Variants in NBEA observed in about 807,000 individuals in gnomAD.
The protein encoded by NBEA is neurobeachin.
A neutral mutation model predicts 343.4 loss-of-function variants in NBEA; 44 were observed. The ratio of observed to expected loss-of-function variants is 0.13; its 90% CI spans 0.10 to 0.16. The LOEUF (loss-of-function observed/expected upper bound fraction) is 0.16. Ranked by LOEUF, NBEA falls within the 10% of genes least tolerant of loss-of-function variation. The pLI is 1.00. For synonymous variants in NBEA, 1,175 were observed against 1,238.7 expected, an observed-to-expected ratio of 0.95 and a Z score of 1.08; for missense variants, 2,555 against 3,631.3, an observed-to-expected ratio of 0.70 and a Z score of 7.62.
Position 35,412,443 on chromosome 13 carries a change from C to A in NBEA, c.6180-19826C>A, listed in dbSNP as rs578245177. ...TGCGGCAAGTGGGTTCCCCCATTTT[C>A]ATTACTTTGTCTCACCTCTTTCCTT... On this transcript the variant is annotated intron_variant, in intron 38 of 58. Coordinates refer to ENST00000379939, the MANE Select transcript of NBEA (RefSeq NM_001385012.1). Among the ~76,000 whole-genome samples, 5 of 152,236 alleles carry A rather than the reference C, an allele frequency of 3.3e-5. No individual in the cohort carries two copies. The South Asian group carries it at 1.0e-3, about 32-fold the overall frequency.
intron 1 of NBEA, among the ~76,000 whole-genome samples, chr13:34,955,408 A>G (rs767707559): frequency 6.6e-6 from 1 of 152,142 alleles, no homozygotes; most frequent in Non-Finnish European, 1.5e-5. Flanking sequence ...ATTATAATGG[A>G]TGAAAGTGAT....
At chr13:35,416,937 A>G (rs2152920902) in intron 38 of NBEA, among the ~76,000 whole-genome samples, 1 of 152,172 alleles carries the variant, frequency 6.6e-6, no homozygotes, top group East Asian at 1.9e-4. Context: ...CTATTCAGGG[A>G]TTGAACTTCT....
intron 39 of NBEA, among the ~76,000 whole-genome samples, chr13:35,450,889 G>A (rs569776894): frequency 6.6e-6 from 1 of 152,154 alleles, no homozygotes; most frequent in Non-Finnish European, 1.5e-5. Flanking sequence ...TGTAGGTGGT[G>A]TATGCATGTA....
chr13:34,954,590 C>A (rs2059437985), intron 1 of NBEA, among the ~76,000 whole-genome samples: 1 of 152,122 alleles, frequency 6.6e-6, no homozygotes, highest in Admixed American at 6.6e-5. Flanking sequence ...GGTGTACCTA[C>A]ATGTATGCAG....
At chr13:35,490,656 C>G (rs1397583470) in intron 41 of NBEA, among the ~76,000 whole-genome samples, 1 of 151,918 alleles carries the variant, frequency 6.6e-6, no homozygotes, top group Non-Finnish European at 1.5e-5. Flanking sequence ...CATCTTTAAA[C>G]AAGACAAAGA....
chr13:35,239,795 T>C (rs2029896019), intron 34 of NBEA, among the ~76,000 whole-genome samples: 1 of 151,930 alleles, frequency 6.6e-6, no homozygotes, highest in Non-Finnish European at 1.5e-5. Context: ...TATTTACTAT[T>C]AAAATATCAT....
chr13:35,247,582 G>A (rs1397685749), intron 34 of NBEA, among the ~76,000 whole-genome samples: 1 of 152,084 alleles, frequency 6.6e-6, no homozygotes, highest in African/African-American at 2.4e-5. Flanking sequence ...GCATTCAGGG[G>A]CAGATGATCC....
intron 38 of NBEA, among the ~76,000 whole-genome samples, chr13:35,372,229 TC>T (rs1315762332): frequency 6.6e-6 from 1 of 152,128 alleles, no homozygotes; most frequent in African/African-American, 2.4e-5. Flanking sequence ...ACCCTCCGGC[TC>T]CCAAGTTGTC....
rs766041172 is a variant in NBEA at position 35,157,126 on chromosome 13, C to G, written c.2700C>G (p.Gly900=). The change falls in exon 21 of 59, where the codon GGC becomes GGG. Residue 900 remains glycine (G), a synonymous_variant. Coordinates refer to ENST00000379939, the MANE Select transcript of NBEA (RefSeq NM_001385012.1). ...SVWQDWMFSL[G]YINPKNSEEQ... is the part of the protein sequence containing the mutation. ...GGCAGGATTGGATGTTTTCTCTTGG[C>G]TATATCAATCCTAAAAATTCTGAGG... 6.2e-7 allele frequency: 1 copy of G among 1,605,992 alleles called. No homozygotes were observed. Among genetic ancestry groups the G allele is most frequent in the Non-Finnish European group, 8.5e-7 (1 of 1,175,940 alleles).
Position 35,232,609 on chromosome 13 carries a change from A to G in NBEA, c.5766A>G (p.Leu1922=), listed in dbSNP as rs1332825151. 7 of 1,511,202 alleles carry G rather than the reference A, an allele frequency of 4.6e-6. No individual in the cohort carries two copies. The highest frequency in any genetic ancestry group is 6.3e-6 in the Non-Finnish European group (7 of 1,118,930). 93.6% of individuals were successfully genotyped at this position (1,511,202 alleles called of 1,614,324 possible). The stretch of plus-strand genomic sequence containing the variant: ...TTCTTGGCAGTCATGGACAAGAGCT[A>G]TTGATAGAAGGTATGATTTCTCTAT... ...RTLLGSHGQE[L]LIEGLVCMKS... is the part of the protein sequence containing the mutation. The change falls in exon 34 of 59, where the codon CTA becomes CTG. Residue 1922 remains leucine, a synonymous_variant. Coordinates refer to ENST00000379939, the MANE Select transcript of NBEA (RefSeq NM_001385012.1).
At chr13:35,491,309 T>G (rs984067874) in intron 41 of NBEA, among the ~76,000 whole-genome samples, 1 of 151,918 alleles carries the variant, frequency 6.6e-6, no homozygotes, top group Non-Finnish European at 1.5e-5. Flanking sequence ...CTCGCCAATA[T>G]AATATGTTCT....
intron 36 of NBEA, among the ~76,000 whole-genome samples, chr13:35,330,858 G>T (rs973234242): frequency 6.6e-6 from 1 of 151,984 alleles, no homozygotes; most frequent in Admixed American, 6.6e-5. Context: ...TACACAAATA[G>T]AAAGTCTCAA....
rs1296376997 is a variant in NBEA at position 35,475,428 on chromosome 13, T to G, written c.6585+2892T>G. The G allele has an allele frequency of 3.1e-6, 5 of 1,613,470 alleles. No homozygotes were observed. In the South Asian group the frequency reaches 4.4e-5, roughly 14 times the overall value. ...AGCCCCCCATCTGCAGTCTGTTCTCTGCCTCCGCGAACTGCAGCACCCAGG... is the reference window on the plus strand; with the variant it reads ...AGCCCCCCATCTGCAGTCTGTTCTCGGCCTCCGCGAACTGCAGCACCCAGG... On this transcript the variant is annotated intron_variant, in intron 41 of 58. Coordinates refer to ENST00000379939, the MANE Select transcript of NBEA (RefSeq NM_001385012.1).
At chr13:35,206,985 G>A (rs1055606562) in intron 31 of NBEA, among the ~76,000 whole-genome samples, 1 of 151,962 alleles carries the variant, frequency 6.6e-6, no homozygotes, top group Non-Finnish European at 1.5e-5. Context: ...GAGAATTAAA[G>A]GTTGAGTCTA....
chr13:35,248,916 G>A (rs916119932), intron 34 of NBEA, among the ~76,000 whole-genome samples: 20 of 152,070 alleles, frequency 1.3e-4, no homozygotes, highest in African/African-American at 3.4e-4. Flanking sequence ...TTGGGAGGCC[G>A]AGGCAGGCAG....
chr13:35,645,759 G>A, intron 49 of NBEA, 110 bp from the exon 50 acceptor site: 2 of 510,850 alleles, frequency 3.9e-6, no homozygotes, highest in Non-Finnish European at 6.9e-6. Context: ...TAAAATCTTG[G>A]TGTTCTTTCT....
intron 1 of NBEA, among the ~76,000 whole-genome samples, chr13:35,003,277 G>A (rs879276375): frequency 1.3e-5 from 2 of 152,046 alleles, no homozygotes; most frequent in Non-Finnish European, 2.9e-5. Flanking sequence ...GCTACTTCAG[G>A]GGGGCTGAGG....
At position 35,220,885 on chromosome 13, in the gene NBEA, A is replaced by G. The variant is rs182871274; in HGVS notation, c.5648+9706A>G. ...CTTTTTAAAAATACATTTCTTACCT[A>G]TCTATATCCTTTCCCCCTATGCCTA... On this transcript the variant is annotated intron_variant, in intron 33 of 58. Coordinates refer to ENST00000379939, the MANE Select transcript of NBEA (RefSeq NM_001385012.1). Among the ~76,000 whole-genome samples, 537 of 152,170 alleles carry G rather than the reference A, an allele frequency of 3.5e-3. 5 individuals are homozygous for G. The highest frequency in any genetic ancestry group is 4.7e-3 in the Non-Finnish European group (323 of 68,002).
intron 56 of NBEA, among the ~76,000 whole-genome samples, chr13:35,666,542 C>T (rs1217300089): frequency 1.3e-5 from 2 of 151,970 alleles, no homozygotes; most frequent in Non-Finnish European, 2.9e-5. Context: ...AAGTCTATTA[C>T]TTTAGTAATC....
Sources: gnomAD v4.1 joint callset for allele counts (sites outside exome capture counted in the v4.1 genomes callset) on GRCh38, gnomAD v4.1.1 for gene constraint, MANE v1.5 for transcripts, NCBI Gene and HGNC (gene_info 2026-07-23, HGNC 2026-07-21) for gene names.